Variants in UBE3A observed in about 807,000 individuals in gnomAD.
UBE3A encodes the protein ubiquitin-protein ligase E3A.
Under a neutral mutation model 83.4 loss-of-function variants are expected in UBE3A, and 6 were observed. The ratio of observed to expected loss-of-function variants is 0.07; its 90% confidence interval spans 0.04 to 0.14. The LOEUF is 0.14. UBE3A is among the 10% of genes least tolerant of loss of function. UBE3A has a pLI of 1.00. For synonymous variants in UBE3A, 337 were observed against 355.4 expected (o/e 0.95, Z 0.58); for missense variants, 456 against 1,036.1 (o/e 0.44, Z 7.69).
At chr15:25,357,678 G>C (rs1463841204) in intron 7 of UBE3A, 1 of 152,008 alleles carries the variant, frequency 6.6e-6, no homozygotes, top group African/African-American at 2.4e-5. Flanking sequence ...GTAAAGAAAG[G>C]TTCGTTTTTT....
At chr15:25,422,715 C>CT (rs780406772) in intron 1 of UBE3A, among the ~76,000 whole-genome samples, 16 of 151,292 alleles carry the variant, frequency 1.1e-4, no homozygotes, top group African/African-American at 3.9e-4. Flanking sequence ...TAGCTCATGC[C>CT]TGTAATCCCA....
chr15:25,347,686 C>T lies in UBE3A; in HGVS notation c.2354+6667G>A, dbSNP rs544598903. 7.9e-5 allele frequency among the ~76,000 whole-genome samples: 12 copies of T among 152,076 alleles called. No homozygotes were observed. The South Asian group carries it at 1.5e-3, about 18-fold the overall frequency. On this transcript the variant is annotated intron_variant, in intron 11 of 12. Transcript: ENST00000648336. ...CTGCACTCCAGCCTGGGCAACAGAG[C>T]GAGACTGTGTCTCGAAACAAAAACA...
intron 1 of UBE3A, among the ~76,000 whole-genome samples, chr15:25,425,965 TG>T (rs1372178866): frequency 6.6e-6 from 1 of 152,202 alleles, no homozygotes; most frequent in African/African-American, 2.4e-5. Context: ...CACTGTGCAC[TG>T]GAAGAGTACT....
At position 25,356,702 on chromosome 15, in the gene UBE3A, C is replaced by A; in HGVS notation, c.1948G>T (p.Asp650Tyr). The change falls in exon 8 of 13, where the codon GAC becomes TAC. Residue 650 changes from aspartate to tyrosine, a missense_variant. Physicochemically the swap from Asp to Tyr is radical, Grantham distance 160. Around this residue, in one of 13 missense-constraint regions of UBE3A, gnomAD observed 18 missense variants for 17.6 expected, o/e 1.02. Coordinates refer to ENST00000648336, the MANE Select transcript of UBE3A (RefSeq NM_130839.5). ...GKKGTFRDLG[D>Y]SHPVLYQSLK... ...GACAAAGAACTTACTGGGTGAGAGT[C>A]TCCCAAGTCACGAAAAGTTCCTTTT... The A allele has an allele frequency of 1.2e-6, 2 of 1,612,734 alleles. No homozygotes were observed. The highest frequency in any genetic ancestry group is 1.7e-6 in the Non-Finnish European group (2 of 1,179,802).
intron 11 of UBE3A, among the ~76,000 whole-genome samples, chr15:25,342,859 T>G (rs1325101346): frequency 6.6e-6 from 1 of 151,980 alleles, no homozygotes; most frequent in East Asian, 1.9e-4. Flanking sequence ...GTTAGAGCAC[T>G]GGCAACAGGG....
chr15:25,419,658 G>A (rs1888742314), intron 1 of UBE3A, among the ~76,000 whole-genome samples: 1 of 152,088 alleles, frequency 6.6e-6, no homozygotes, highest in Non-Finnish European at 1.5e-5. Context: ...AAGTTTCTTC[G>A]TAAGACAACT....
intron 1 of UBE3A, among the ~76,000 whole-genome samples, chr15:25,420,924 A>C (rs1889503994): frequency 6.6e-6 from 1 of 152,240 alleles, no homozygotes; most frequent in Non-Finnish European, 1.5e-5. Context: ...CTGACAAATA[A>C]ATAAATAAAA....
intron 1 of UBE3A, among the ~76,000 whole-genome samples, chr15:25,432,176 G>C (rs1893669501): frequency 6.6e-6 from 1 of 152,144 alleles, no homozygotes; most frequent in African/African-American, 2.4e-5. Flanking sequence ...GCTTTAGAGA[G>C]GGATTACAAG....
chr15:25,435,615 T>G (rs1167532151), intron 1 of UBE3A, among the ~76,000 whole-genome samples: 2 of 152,284 alleles, frequency 1.3e-5, no homozygotes, highest in Non-Finnish European at 2.9e-5. Flanking sequence ...CAGCTAGCTA[T>G]CTATGAACAA....
At chr15:25,393,218 T>C (rs535481944) in intron 4 of UBE3A, among the ~76,000 whole-genome samples, 1 of 152,220 alleles carries the variant, frequency 6.6e-6, no homozygotes, top group African/African-American at 2.4e-5. Flanking sequence ...CCAGGAAATA[T>C]TTAAAATAAG....
intron 1 of UBE3A, among the ~76,000 whole-genome samples, chr15:25,437,235 C>T (rs1895370512): frequency 2.0e-5 from 3 of 152,172 alleles, no homozygotes; most frequent in Non-Finnish European, 4.4e-5. Context: ...GCTATTTCCA[C>T]TATACACACC....
intron 6 of UBE3A, among the ~76,000 whole-genome samples, chr15:25,369,913 C>A (rs900707671): frequency 6.6e-6 from 1 of 152,180 alleles, no homozygotes; most frequent in Non-Finnish European, 1.5e-5. Flanking sequence ...ATGTTACAGG[C>A]ACCACTAATC....
intron 2 of UBE3A, among the ~76,000 whole-genome samples, chr15:25,411,604 C>G (rs1035977569): frequency 6.7e-6 from 1 of 149,830 alleles, no homozygotes; most frequent in African/African-American, 2.5e-5. Flanking sequence ...ACAACAGCAG[C>G]AGCAGCAGCA....
In UBE3A at chr15:25,370,079, C is replaced by T. The variant is rs959167850; in HGVS notation, c.1608+487G>A. ...AGCAGGACTCAACTCTTACTGGCAA[C>T]AGGCACTGATCTGCCATGGTCACTT... is the stretch of plus-strand genomic sequence containing the variant. On this transcript the variant is annotated intron_variant, in intron 6 of 12. Transcript: ENST00000648336. This position sits in a 1 kb window ranked among gnomAD's most constrained non-coding sequence, Gnocchi z 4.2. Among the ~76,000 whole-genome samples the T allele has an allele frequency of 6.6e-6, 1 of 152,188 alleles. No homozygotes were observed. Among genetic ancestry groups the T allele is most frequent in the Non-Finnish European group, 1.5e-5 (1 of 68,034 alleles).
chr15:25,356,952 GAAT>G (rs1235036604), intron 7 of UBE3A, 56 bp from the exon 8 acceptor site: 2 of 1,381,518 alleles, frequency 1.4e-6, no homozygotes, highest in East Asian at 4.7e-5. Context: ...AAGGACTGAT[GAAT>G]AATACAAATA....
chr15:25,415,823 C>T (rs1420987740), intron 1 of UBE3A: 2 of 121,570 alleles, frequency 1.6e-5, no homozygotes, highest in Non-Finnish European at 3.3e-5. Flanking sequence ...ACTATGTTTT[C>T]TTGACACCAT....
intron 11 of UBE3A, among the ~76,000 whole-genome samples, chr15:25,351,108 G>A (rs562932280): frequency 6.6e-6 from 1 of 152,294 alleles, no homozygotes; most frequent in African/African-American, 2.4e-5. Flanking sequence ...AACATTCAGA[G>A]AGCAGTTAGG....
intron 4 of UBE3A, among the ~76,000 whole-genome samples, chr15:25,395,348 C>G (rs1191589359): frequency 6.6e-6 from 1 of 152,158 alleles, no homozygotes; most frequent in Admixed American, 6.5e-5. Context: ...CTAGAGAATA[C>G]ACTGTAAAGC....
chr15:25,385,167 C>T (rs1005805844), intron 4 of UBE3A, among the ~76,000 whole-genome samples: 1 of 151,940 alleles, frequency 6.6e-6, no homozygotes, highest in Non-Finnish European at 1.5e-5. Context: ...AAATGGCAAC[C>T]TACAAAACAG....
Sources: gnomAD v4.1 joint callset for allele counts (sites outside exome capture counted in the v4.1 genomes callset) on GRCh38, gnomAD v4.1.1 for gene constraint, gnomAD v4.1.1 regional missense constraint, Gnocchi (gnomAD v3.1) non-coding constraint, MANE v1.5 for transcripts, NCBI Gene and HGNC (gene_info 2026-07-23, HGNC 2026-07-21) for gene names.